Variants in NXPH2 observed in about 807,000 individuals in gnomAD.
NXPH2 encodes the protein neurexophilin-2.
NXPH2 carries 5 observed loss-of-function variants against 19.8 expected under a neutral mutation model. The observed-to-expected ratio is 0.25, with a 90% CI of 0.13 to 0.53. The LOEUF (loss-of-function observed/expected upper bound fraction) is 0.53, where lower values mean the gene tolerates loss of function less well. NXPH2 is among the 20% of genes least tolerant of loss of function. The pLI is 0.96. For synonymous variants in NXPH2, 154 were observed against 127.4 expected (o/e 1.21, Z -1.41); for missense variants, 289 against 322.8 (o/e 0.90, Z 0.80).
At chr2:138,765,445 G>A (rs1682075519) in intron 1 of NXPH2, among the ~76,000 whole-genome samples, 1 of 152,140 alleles carries the variant, frequency 6.6e-6, no homozygotes, top group Non-Finnish European at 1.5e-5. Flanking sequence ...TATCTCTGGA[G>A]GTTAACATGC....
Position 138,671,510 on chromosome 2 carries a change from GC to G in NXPH2, c.206del (p.Gly69AlafsTer34). ...CCATGCTGTCTGCGTACGCCATGGG[GC>G]CGGGCTTGGGCACCGGAGACTGTTT... ...FVKQSPVPKP[G>X]PMAYADSMEN... On this transcript the variant is annotated frameshift_variant, in exon 2 of 2. Transcript: ENST00000272641. LOFTEE classifies it high-confidence loss of function. The G allele has an allele frequency of 6.2e-7, 1 of 1,613,988 alleles. No homozygotes were observed. The highest frequency in any genetic ancestry group is 8.5e-7 in the Non-Finnish European group (1 of 1,179,880).
At chr2:138,777,589 T>C (rs538976040) in intron 1 of NXPH2, among the ~76,000 whole-genome samples, 1 of 152,002 alleles carries the variant, frequency 6.6e-6, no homozygotes, top group Non-Finnish European at 1.5e-5. Flanking sequence ...TACGTGTATA[T>C]TATATATGTT....
intron 1 of NXPH2, among the ~76,000 whole-genome samples, chr2:138,763,920 C>T (rs574644826): frequency 1.3e-5 from 2 of 152,228 alleles, no homozygotes; most frequent in Non-Finnish European, 2.9e-5. Flanking sequence ...CTCAATAGTT[C>T]ATTCATTCAT....
chr2:138,705,130 T>A (rs991966998), intron 1 of NXPH2, among the ~76,000 whole-genome samples: 1 of 152,128 alleles, frequency 6.6e-6, no homozygotes, highest in Non-Finnish European at 1.5e-5. Flanking sequence ...CTTGGTCTTT[T>A]AAAAAAATTT....
At chr2:138,712,562 C>T (rs890126958) in intron 1 of NXPH2, among the ~76,000 whole-genome samples, 1 of 152,150 alleles carries the variant, frequency 6.6e-6, no homozygotes, top group Non-Finnish European at 1.5e-5. Context: ...CCCCCAAATT[C>T]GGTGGCAGCA....
At position 138,727,115 on chromosome 2, in the gene NXPH2, AT is replaced by A. The variant is rs200682468; in HGVS notation, c.51+53075del. On this transcript the variant is annotated intron_variant, in intron 1 of 1. Coordinates refer to ENST00000272641, the MANE Select transcript of NXPH2 (RefSeq NM_007226.3). ...AAGTCTTTTCATAACTTGATGGTTC[AT>A]TTTTTTAAAGTACTGAATAATATTC... is the stretch of plus-strand genomic sequence containing the variant. Among the ~76,000 whole-genome samples the A allele has an allele frequency of 8.9e-4, 136 of 152,238 alleles. No homozygotes were observed. In the East Asian group the frequency reaches 0.024, roughly 27 times the overall value.
chr2:138,747,049 A>G (rs1681748074), intron 1 of NXPH2, among the ~76,000 whole-genome samples: 1 of 152,098 alleles, frequency 6.6e-6, no homozygotes, highest in Admixed American at 6.5e-5. Flanking sequence ...CCTCCCACCT[A>G]AGGTTAAATA....
intron 1 of NXPH2, among the ~76,000 whole-genome samples, chr2:138,697,253 T>C (rs999691101): frequency 6.6e-6 from 1 of 152,136 alleles, no homozygotes; most frequent in African/African-American, 2.4e-5. Context: ...TGGTGGTGGT[T>C]ATACATGTGT....
At chr2:138,767,432 C>A (rs962845859) in intron 1 of NXPH2, among the ~76,000 whole-genome samples, 13 of 152,230 alleles carry the variant, frequency 8.5e-5, no homozygotes, top group Non-Finnish European at 1.8e-4. Flanking sequence ...TCCCCTGAGA[C>A]CCTTGCATGC....
intron 1 of NXPH2, among the ~76,000 whole-genome samples, chr2:138,696,646 G>A (rs948595136): frequency 2.6e-5 from 4 of 152,158 alleles, no homozygotes; most frequent in African/African-American, 9.6e-5. Context: ...GTACATTGTT[G>A]GTGGGAAAAT....
chr2:138,683,635 T>C lies in NXPH2; in HGVS notation c.52-11970A>G, dbSNP rs142473587. On this transcript the variant is annotated intron_variant, in intron 1 of 1. Coordinates refer to ENST00000272641, the MANE Select transcript of NXPH2 (RefSeq NM_007226.3). ...CACATACTCACTGTGATGGTGAGTTTTATGTGTCCATTTGGCTAGGCTACA... is the reference window on the plus strand; with the variant it reads ...CACATACTCACTGTGATGGTGAGTTCTATGTGTCCATTTGGCTAGGCTACA... Among the ~76,000 whole-genome samples the C allele has an allele frequency of 1.1e-3, 163 of 152,342 alleles. 1 individual carries two copies. The highest frequency in any genetic ancestry group is 3.8e-3 in the African/African-American group (156 of 41,580).
intron 1 of NXPH2, among the ~76,000 whole-genome samples, chr2:138,735,822 G>T (rs1453681400): frequency 6.6e-6 from 1 of 152,220 alleles, no homozygotes; most frequent in African/African-American, 2.4e-5. Context: ...ATACAATGGG[G>T]GGTACAGGCA....
chr2:138,742,304 A>G (rs1417742463), intron 1 of NXPH2, among the ~76,000 whole-genome samples: 1 of 152,182 alleles, frequency 6.6e-6, no homozygotes, highest in Non-Finnish European at 1.5e-5. Flanking sequence ...TCTGGAATCT[A>G]CATGGGTTCA....
At chr2:138,751,232 G>GCAGT (rs1298257052) in intron 1 of NXPH2, among the ~76,000 whole-genome samples, 6 of 152,110 alleles carry the variant, frequency 3.9e-5, no homozygotes, top group Non-Finnish European at 7.4e-5. Flanking sequence ...GGAATCAGTA[G>GCAGT]CAGTACAGAT....
chr2:138,749,586 TTATC>T (rs1210326194), intron 1 of NXPH2, among the ~76,000 whole-genome samples: 4 of 152,180 alleles, frequency 2.6e-5, no homozygotes, highest in Admixed American at 1.3e-4. Flanking sequence ...TCTTTATGCT[TTATC>T]TTTCATCTGC....
Position 138,737,748 on chromosome 2 carries a change from T to C in NXPH2, c.51+42443A>G, listed in dbSNP as rs186389726. ...TGGCCAATATCCTCATCAGTATCTA[T>C]AAAATACATGATTTTGAGGCAACTA... On this transcript the variant is annotated intron_variant, in intron 1 of 1. Transcript: ENST00000272641. Among the ~76,000 whole-genome samples the C allele has an allele frequency of 1.1e-4, 16 of 152,298 alleles. 1 individual carries two copies. The highest frequency in any genetic ancestry group is 7.8e-4 in the Admixed American group (12 of 15,302).
At chr2:138,699,072 A>G (rs532777187) in intron 1 of NXPH2, among the ~76,000 whole-genome samples, 2 of 152,332 alleles carry the variant, frequency 1.3e-5, no homozygotes, top group East Asian at 3.9e-4. Flanking sequence ...AAAATTATTG[A>G]AAATGTATGT....
intron 1 of NXPH2, among the ~76,000 whole-genome samples, chr2:138,702,209 T>C (rs962967217): frequency 9.9e-5 from 15 of 152,144 alleles, no homozygotes; most frequent in African/African-American, 2.4e-4. Context: ...CTCAAACTCC[T>C]GGGTGCAAAT....
intron 1 of NXPH2, among the ~76,000 whole-genome samples, chr2:138,697,327 A>G (rs1014973639): frequency 3.3e-5 from 5 of 152,306 alleles, no homozygotes; most frequent in South Asian, 2.1e-4. Context: ...ATTATACTGT[A>G]TGTAAATTAT....
Sources: gnomAD v4.1 joint callset for allele counts (sites outside exome capture counted in the v4.1 genomes callset) on GRCh38, gnomAD v4.1.1 for gene constraint, MANE v1.5 for transcripts, NCBI Gene and HGNC (gene_info 2026-07-23, HGNC 2026-07-21) for gene names.